MAD1L1: variants seen among roughly 807,000 people sequenced by gnomAD.
MAD1L1 encodes mitotic arrest deficient 1 like 1.
Under a neutral mutation model 96.9 loss-of-function variants are expected in MAD1L1, and 95 were observed. The observed-to-expected ratio is 0.98, with a 90% CI of 0.83 to 1.16. MAD1L1 has a LOEUF of 1.16. Ranked by LOEUF, MAD1L1 falls within the 50% of genes most tolerant of loss-of-function variation. The probability of loss-of-function intolerance (pLI) is 0.00; values close to 1 mark genes in which losing one functional copy is unlikely to be tolerated. For missense variants in MAD1L1, 1,007 were observed against 954.4 expected, an observed-to-expected ratio of 1.06 and a Z score of -0.73; for synonymous variants, 473 against 396.6, an observed-to-expected ratio of 1.19 and a Z score of -2.29.
intron 15 of MAD1L1, among the ~76,000 whole-genome samples, chr7:1,961,941 C>T (rs183851110): frequency 1.2e-4 from 8 of 69,454 alleles, no homozygotes; most frequent in Non-Finnish European, 2.4e-4. Flanking sequence ...TGTGTTGTGG[C>T]AGGGACGTGG....
At chr7:1,875,522 C>T (rs1476505363) in intron 18 of MAD1L1, among the ~76,000 whole-genome samples, 1 of 152,148 alleles carries the variant, frequency 6.6e-6, no homozygotes, top group Non-Finnish European at 1.5e-5. Context: ...GCAGAACCTT[C>T]CGCTGCACAA....
At chr7:1,909,628 C>A (rs940528873) in intron 17 of MAD1L1, among the ~76,000 whole-genome samples, 26 of 152,176 alleles carry the variant, frequency 1.7e-4, no homozygotes, top group Non-Finnish European at 2.9e-4. Flanking sequence ...CCTGGCTCAT[C>A]CCAGGGGCTG....
chr7:1,915,422 G>C (rs904400742), intron 17 of MAD1L1, among the ~76,000 whole-genome samples: 46 of 152,320 alleles, frequency 3.0e-4, no homozygotes, highest in African/African-American at 1.1e-3. Flanking sequence ...TCCCGGGACA[G>C]AAAGCTGCAG....
At chr7:1,901,974 C>A (rs1787273430) in intron 17 of MAD1L1, among the ~76,000 whole-genome samples, 1 of 152,222 alleles carries the variant, frequency 6.6e-6, no homozygotes, top group South Asian at 2.1e-4. Context: ...TGCAGGGACA[C>A]AGGCCTGGTA....
At chr7:1,943,781 T>C (rs916588587) in intron 16 of MAD1L1, among the ~76,000 whole-genome samples, 4 of 150,606 alleles carry the variant, frequency 2.7e-5, no homozygotes, top group Non-Finnish European at 4.4e-5. Flanking sequence ...CGTCCGTGAA[T>C]GTTCAGGGCA....
chr7:1,884,058 G>A (rs1785852944), intron 18 of MAD1L1, among the ~76,000 whole-genome samples: 2 of 113,750 alleles, frequency 1.8e-5, no homozygotes, highest in Admixed American at 1.9e-4. Flanking sequence ...CCACGCCAGA[G>A]CGAGCAGCTC....
chr7:1,998,077 A>T (rs1781637603), intron 14 of MAD1L1, among the ~76,000 whole-genome samples: 1 of 152,194 alleles, frequency 6.6e-6, no homozygotes, highest in African/African-American at 2.4e-5. Context: ...ATATGGGCTA[A>T]AAAAGAGAAA....
At chr7:2,012,090 G>C (rs745517035) in intron 13 of MAD1L1, among the ~76,000 whole-genome samples, 4 of 152,220 alleles carry the variant, frequency 2.6e-5, no homozygotes, top group African/African-American at 4.8e-5. Flanking sequence ...CCCACCATGG[G>C]AAGGGAGGGG....
At chr7:2,051,455 G>T (rs1784164603) in intron 12 of MAD1L1, among the ~76,000 whole-genome samples, 1 of 152,184 alleles carries the variant, frequency 6.6e-6, no homozygotes, top group Admixed American at 6.5e-5. Context: ...GTGGCGAGGG[G>T]GGCGCTGACC....
intron 12 of MAD1L1, among the ~76,000 whole-genome samples, chr7:2,060,298 C>T (rs1248385313): frequency 4.7e-5 from 7 of 148,974 alleles, no homozygotes; most frequent in Admixed American, 1.3e-4. Flanking sequence ...TCCCGAGATA[C>T]GCCGATCCCG....
chr7:1,893,790 G>A (rs1039632553), intron 18 of MAD1L1, among the ~76,000 whole-genome samples: 1 of 152,210 alleles, frequency 6.6e-6, no homozygotes, highest in Non-Finnish European at 1.5e-5. Context: ...GGCCAAGGCT[G>A]CACACCAGGG....
At chr7:2,067,084 C>G (rs983239595) in intron 12 of MAD1L1, among the ~76,000 whole-genome samples, 34 of 152,250 alleles carry the variant, frequency 2.2e-4, no homozygotes, top group African/African-American at 7.7e-4. Context: ...CGATGTCACT[C>G]CCCAGCCCCG....
intron 3 of MAD1L1, among the ~76,000 whole-genome samples, chr7:2,228,086 G>A (rs1794000251): frequency 6.6e-6 from 1 of 152,084 alleles, no homozygotes; most frequent in Non-Finnish European, 1.5e-5. Context: ...GACCAAGGCT[G>A]GTCTTGCCGC....
chr7:2,129,299 C>T (rs1278415030), intron 11 of MAD1L1, among the ~76,000 whole-genome samples: 2 of 152,228 alleles, frequency 1.3e-5, no homozygotes, highest in African/African-American at 4.8e-5. Context: ...AGAGGGAAAG[C>T]CCAGGTTTTT....
chr7:1,890,481 G>A (rs1786469304), intron 18 of MAD1L1, among the ~76,000 whole-genome samples: 1 of 152,232 alleles, frequency 6.6e-6, no homozygotes, highest in Non-Finnish European at 1.5e-5. Flanking sequence ...CGCAGCCTGA[G>A]ACCCTCACCA....
chr7:1,956,378 C>T (rs934450531), intron 16 of MAD1L1, among the ~76,000 whole-genome samples: 1 of 152,190 alleles, frequency 6.6e-6, no homozygotes, highest in East Asian at 1.9e-4. Context: ...CCACGCCATC[C>T]GGGCACAGTT....
intron 12 of MAD1L1, among the ~76,000 whole-genome samples, chr7:2,047,286 G>C (rs924247407): frequency 2.0e-5 from 3 of 152,172 alleles, no homozygotes; most frequent in Non-Finnish European, 2.9e-5. Context: ...AAAACCCACC[G>C]GCACGAGGAA....
chr7:1,878,317 G>C (rs953949723), intron 18 of MAD1L1, among the ~76,000 whole-genome samples: 7 of 151,958 alleles, frequency 4.6e-5, no homozygotes, highest in African/African-American at 1.7e-4. Context: ...TCATTTTTGA[G>C]GCTAGCATCA....
chr7:2,165,655 A>T (rs1044980177), intron 10 of MAD1L1, among the ~76,000 whole-genome samples: 3 of 98,900 alleles, frequency 3.0e-5, no homozygotes, highest in African/African-American at 1.2e-4. Context: ...GCACGAAACG[A>T]CCAAAACACG....
Sources: gnomAD v4.1 joint callset for allele counts (sites outside exome capture counted in the v4.1 genomes callset) on GRCh38, gnomAD v4.1.1 for gene constraint, MANE v1.5 for transcripts, NCBI Gene and HGNC (gene_info 2026-07-23, HGNC 2026-07-21) for gene names.